LUZP2: variants seen among roughly 807,000 people sequenced by gnomAD.
The protein encoded by LUZP2 is leucine zipper protein 2.
Under a neutral mutation model 51.6 loss-of-function variants are expected in LUZP2, and 52 were observed. The ratio of observed to expected loss-of-function variants is 1.01; its 90% CI spans 0.81 to 1.27. The LOEUF (loss-of-function observed/expected upper bound fraction) is 1.27, where lower values mean the gene tolerates loss of function less well. LUZP2 is among the 50% of genes most tolerant of loss of function. The pLI is 0.00. For missense variants in LUZP2, 436 were observed against 395.4 expected, an observed-to-expected ratio of 1.10 and a Z score of -0.87; for synonymous variants, 154 against 137.3, an observed-to-expected ratio of 1.12 and a Z score of -0.85.
chr11:24,692,608 A>G (rs1326042969), intron 1 of LUZP2, among the ~76,000 whole-genome samples: 1 of 152,056 alleles, frequency 6.6e-6, no homozygotes, highest in Non-Finnish European at 1.5e-5. Flanking sequence ...TAGTGGCATT[A>G]TTTTACATTC....
chr11:24,500,790 C>T lies in LUZP2; in HGVS notation c.62+3485C>T, dbSNP rs1849970218. Among the ~76,000 whole-genome samples the T allele has an allele frequency of 2.0e-5, 3 of 152,116 alleles. No homozygotes were observed. The South Asian group carries it at 6.2e-4, about 32-fold the overall frequency. On this transcript the variant is annotated intron_variant, in intron 1 of 11. Coordinates refer to ENST00000336930, the MANE Select transcript of LUZP2 (RefSeq NM_001009909.4). ...GAGCAGATGGTCGGTTATAGTCCTC[C>T]CAACAGGAGTCACCTTAGAGGTCTC...
intron 1 of LUZP2, among the ~76,000 whole-genome samples, chr11:24,563,139 A>T (rs1852106728): frequency 6.6e-6 from 1 of 152,200 alleles, no homozygotes. Context: ...TCAGAAGACA[A>T]GGCATTCGGA....
intron 9 of LUZP2, among the ~76,000 whole-genome samples, chr11:25,008,093 T>C (rs1051132111): frequency 2.2e-4 from 33 of 152,196 alleles, no homozygotes; most frequent in African/African-American, 7.5e-4. Context: ...TGACCAGTCG[T>C]GTCCTTACCT....
chr11:24,863,054 G>A (rs1422812012), intron 5 of LUZP2, among the ~76,000 whole-genome samples: 1 of 152,140 alleles, frequency 6.6e-6, no homozygotes, highest in African/African-American at 2.4e-5. Context: ...AACAACACTA[G>A]CTATAGGTAA....
chr11:24,975,433 G>A (rs1161632649), intron 7 of LUZP2, among the ~76,000 whole-genome samples: 1 of 152,032 alleles, frequency 6.6e-6, no homozygotes, highest in Non-Finnish European at 1.5e-5. Flanking sequence ...GAAAGTATTT[G>A]TTGTTGCTGT....
chr11:24,892,158 A>C (rs2133760063), intron 5 of LUZP2: 1 of 985,470 alleles, frequency 1.0e-6, no homozygotes, highest in African/African-American at 1.7e-5. Context: ...TTTCTTAAGA[A>C]TCTCTGTATC....
At chr11:24,737,217 G>C (rs189191403) in intron 3 of LUZP2, among the ~76,000 whole-genome samples, 94 of 152,134 alleles carry the variant, frequency 6.2e-4, no homozygotes, top group African/African-American at 2.1e-3. Context: ...CTTAATATGA[G>C]CACAAACCTA....
intron 1 of LUZP2, among the ~76,000 whole-genome samples, chr11:24,532,783 G>T (rs1156502221): frequency 6.6e-6 from 1 of 150,768 alleles, no homozygotes; most frequent in Non-Finnish European, 1.5e-5. Context: ...AAATATTAAG[G>T]TTTCCTAATT....
At chr11:24,905,947 T>C (rs759087610) in intron 5 of LUZP2, 44 bp from the exon 6 acceptor site, 31 of 1,368,508 alleles carry the variant, frequency 2.3e-5, no homozygotes, top group Non-Finnish European at 3.1e-5. Context: ...GAATTCTTAA[T>C]ATTTTGTCTC....
chr11:25,023,529 CTCTTT>C (rs1857400250), intron 9 of LUZP2, among the ~76,000 whole-genome samples: 1 of 152,036 alleles, frequency 6.6e-6, no homozygotes, highest in Non-Finnish European at 1.5e-5. Flanking sequence ...TGGTTCCTCT[CTCTTT>C]TCTTCTTTAT....
intron 9 of LUZP2, among the ~76,000 whole-genome samples, chr11:25,029,851 T>C (rs1857596061): frequency 6.6e-6 from 1 of 152,166 alleles, no homozygotes; most frequent in African/African-American, 2.4e-5. Flanking sequence ...TACTATTGTA[T>C]ATGTTGTTTT....
chr11:25,077,812 A>C (rs1859357859), intron 11 of LUZP2, among the ~76,000 whole-genome samples: 2 of 152,046 alleles, frequency 1.3e-5, no homozygotes, highest in Admixed American at 6.5e-5. Context: ...ATGGTATTTA[A>C]CACTCTTCTC....
At chr11:24,713,566 C>T (rs2133935827) in intron 1 of LUZP2, among the ~76,000 whole-genome samples, 1 of 151,714 alleles carries the variant, frequency 6.6e-6, no homozygotes, top group East Asian at 2.0e-4. Context: ...ACAGGCCAGA[C>T]ACGGTGGCTC....
chr11:24,644,011 C>T (rs533037096), intron 1 of LUZP2, among the ~76,000 whole-genome samples: 15 of 152,256 alleles, frequency 9.9e-5, no homozygotes, highest in Non-Finnish European at 1.8e-4. Flanking sequence ...CACATGATAC[C>T]GCTTCCAAAT....
chr11:24,780,478 T>C (rs779528449), intron 5 of LUZP2, among the ~76,000 whole-genome samples: 55 of 152,152 alleles, frequency 3.6e-4, no homozygotes, highest in Non-Finnish European at 7.1e-4. Context: ...GTATAATGTA[T>C]ACAAGGAGCC....
intron 1 of LUZP2, among the ~76,000 whole-genome samples, chr11:24,669,974 T>C (rs73434995): frequency 0.051 from 7,778 of 152,146 alleles, 637 homozygotes; most frequent in African/African-American, 0.17. Context: ...ATAAATTGTA[T>C]GTTTATCTGG....
At chr11:24,910,266 A>G (rs1853584082) in intron 6 of LUZP2, among the ~76,000 whole-genome samples, 1 of 152,126 alleles carries the variant, frequency 6.6e-6, no homozygotes, top group African/African-American at 2.4e-5. Flanking sequence ...AAGAAAGAAA[A>G]CATTTTCTGG....
intron 1 of LUZP2, among the ~76,000 whole-genome samples, chr11:24,602,172 A>ATG (rs1261022979): frequency 2.3e-5 from 3 of 131,902 alleles, no homozygotes; most frequent in East Asian, 2.1e-4. Flanking sequence ...ATATGTGTAT[A>ATG]TATATGTGTA....
chr11:25,008,625 C>A (rs988044006), intron 9 of LUZP2, among the ~76,000 whole-genome samples: 1 of 152,178 alleles, frequency 6.6e-6, no homozygotes, highest in African/African-American at 2.4e-5. Flanking sequence ...CTTTTCCCAG[C>A]TGCTTTTCCT....
Sources: allele counts gnomAD v4.1 joint callset (sites outside exome capture counted in the v4.1 genomes callset), GRCh38; gene constraint gnomAD v4.1.1; transcripts MANE v1.5; gene names NCBI Gene and HGNC (gene_info 2026-07-23, HGNC 2026-07-21).